Variants in CPPED1 observed in about 807,000 individuals in gnomAD.
The protein encoded by CPPED1 is calcineurin like phosphoesterase domain containing 1.
A neutral mutation model predicts 28.0 loss-of-function variants in CPPED1; 28 were observed. That is an observed-to-expected ratio of 1.00 (90% CI 0.74 to 1.37). CPPED1 has a LOEUF of 1.37. Among genes scored for constraint, CPPED1 ranks in the 40% most tolerant of loss-of-function variants. The pLI is 0.00. For synonymous variants in CPPED1, 198 were observed against 180.2 expected (o/e 1.10, Z -0.79); for missense variants, 504 against 416.5 (o/e 1.21, Z -1.83).
At chr16:12,780,148 G>T (rs1228178922) in intron 2 of CPPED1, among the ~76,000 whole-genome samples, 5 of 151,726 alleles carry the variant, frequency 3.3e-5, no homozygotes, top group Non-Finnish European at 1.5e-5. Flanking sequence ...TGAGCCAGAG[G>T]GGTATGAGCC....
chr16:12,694,960 T>C (rs904284874), intron 3 of CPPED1, among the ~76,000 whole-genome samples: 2 of 152,088 alleles, frequency 1.3e-5, no homozygotes, highest in African/African-American at 4.8e-5. Context: ...ATATTTTTAG[T>C]AGAGACAGGG....
intron 3 of CPPED1, among the ~76,000 whole-genome samples, chr16:12,681,542 T>C (rs2141172352): frequency 6.6e-6 from 1 of 152,286 alleles, no homozygotes; most frequent in Admixed American, 6.5e-5. Context: ...CCTCACCTGA[T>C]TAACGATTCA....
intron 2 of CPPED1, among the ~76,000 whole-genome samples, chr16:12,710,472 G>C (rs1322097575): frequency 6.6e-6 from 1 of 151,516 alleles, no homozygotes; most frequent in Non-Finnish European, 1.5e-5. Flanking sequence ...AAAAAAGGAG[G>C]GGGGGAACAG....
At chr16:12,672,660 G>T (rs2079858459) in intron 3 of CPPED1, among the ~76,000 whole-genome samples, 1 of 152,332 alleles carries the variant, frequency 6.6e-6, no homozygotes, top group African/African-American at 2.4e-5. Flanking sequence ...TCCAGGTGAG[G>T]GGTGTGGGGT....
chr16:12,664,341 C>T lies in CPPED1; in HGVS notation c.*545G>A, dbSNP rs1258274695. 2 of 987,204 alleles carry T rather than the reference C, an allele frequency of 2.0e-6. No individual in the cohort carries two copies. The highest frequency in any genetic ancestry group is 3.5e-5 in the African/African-American group (2 of 57,316). 61.2% of individuals were successfully genotyped at this position (987,204 alleles called of 1,614,324 possible). A position where few individuals can be genotyped will look rare whatever the true frequency, so the allele number is the denominator to read the frequency against. On this transcript the variant is annotated 3_prime_UTR_variant, in exon 4 of 4. Coordinates refer to ENST00000381774, the MANE Select transcript of CPPED1 (RefSeq NM_018340.3). This position sits in a 1 kb window ranked among gnomAD's most constrained non-coding sequence, Gnocchi z 4.2. Reference sequence around the variant, plus strand: ...CTCAGAATTGAACAGTAAATGGTGCCTACTTGGCTCCTTGTCAAAATAAGT... The same window carrying T: ...CTCAGAATTGAACAGTAAATGGTGCTTACTTGGCTCCTTGTCAAAATAAGT...
At position 12,781,173 on chromosome 16, in the gene CPPED1, C is replaced by T; in HGVS notation, c.289+12G>A. The T allele has an allele frequency of 3.1e-6, 5 of 1,607,882 alleles. No homozygotes were observed. Among genetic ancestry groups the T allele is most frequent in the Non-Finnish European group, 4.2e-6 (5 of 1,176,828 alleles). On this transcript the variant is annotated intron_variant, in intron 2 of 3. Coordinates refer to ENST00000381774, the MANE Select transcript of CPPED1 (RefSeq NM_018340.3). The stretch of plus-strand genomic sequence containing the variant: ...AAGGAGAAAAGGTCACAAGCGATGA[C>T]CCGAGTCTTACCTGGCATGGCGTGG...
intron 3 of CPPED1, among the ~76,000 whole-genome samples, chr16:12,668,164 A>C (rs2079835399): frequency 6.6e-6 from 1 of 152,226 alleles, no homozygotes; most frequent in South Asian, 2.1e-4. Context: ...TGGAACATAA[A>C]AACTAAAAGT....
chr16:12,741,393 G>C (rs1003501258), intron 2 of CPPED1, among the ~76,000 whole-genome samples: 1 of 150,726 alleles, frequency 6.6e-6, no homozygotes, highest in Non-Finnish European at 1.5e-5. Flanking sequence ...AGAGATGTCA[G>C]AGTCATTAGC....
chr16:12,682,870 A>G lies in CPPED1; in HGVS notation c.716-17755T>C, dbSNP rs2079912941. 6.6e-6 allele frequency among the ~76,000 whole-genome samples: 1 copy of G among 152,260 alleles called. No homozygotes were observed. Among genetic ancestry groups the G allele is most frequent in the Non-Finnish European group, 1.5e-5 (1 of 68,044 alleles). On this transcript the variant is annotated intron_variant, in intron 3 of 3. Transcript: ENST00000381774. The surrounding 1 kb of genome is among the most constrained non-coding windows in gnomAD (Gnocchi z 6.1). ...TGAAATGGAGCGTGGGGCCCACATT[A>G]AGGTTTCAATCCAGAATGGACAATT...
At chr16:12,785,572 C>A (rs1457362464) in intron 1 of CPPED1, among the ~76,000 whole-genome samples, 1 of 152,020 alleles carries the variant, frequency 6.6e-6, no homozygotes, top group Non-Finnish European at 1.5e-5. Flanking sequence ...CGATTACAGG[C>A]ATGCAGCACC....
At chr16:12,669,158 T>C (rs373432386) in intron 3 of CPPED1, among the ~76,000 whole-genome samples, 38 of 152,288 alleles carry the variant, frequency 2.5e-4, no homozygotes, top group African/African-American at 8.4e-4. Flanking sequence ...CGAAAAGGAA[T>C]AAAGTGTTGA....
intron 3 of CPPED1, among the ~76,000 whole-genome samples, chr16:12,674,359 TGA>T (rs2079867484): frequency 6.6e-6 from 1 of 151,940 alleles, no homozygotes; most frequent in Non-Finnish European, 1.5e-5. Flanking sequence ...AAACGAGGAA[TGA>T]GATGTTGAGC....
At chr16:12,787,651 C>T (rs577656779) in intron 1 of CPPED1, among the ~76,000 whole-genome samples, 99 of 152,154 alleles carry the variant, frequency 6.5e-4, no homozygotes, top group African/African-American at 2.2e-3. Context: ...GTGATCTGCC[C>T]GTCTCAGCCT....
chr16:12,664,638 T>C lies in CPPED1; in HGVS notation c.*248A>G. 3 of 1,318,540 alleles carry C rather than the reference T, an allele frequency of 2.3e-6. No individual in the cohort carries two copies. Among genetic ancestry groups the C allele is most frequent in the African/African-American group, 1.5e-5 (1 of 65,488 alleles). The allele number at this position is 1,318,540 out of a possible 1,614,324, so 81.7% of individuals were successfully genotyped here. On this transcript the variant is annotated 3_prime_UTR_variant, in exon 4 of 4. Coordinates refer to ENST00000381774, the MANE Select transcript of CPPED1 (RefSeq NM_018340.3). This position sits in a 1 kb window ranked among gnomAD's most constrained non-coding sequence, Gnocchi z 4.2. ...TTAGGAGAATTTATTCAAACATCCA[T>C]GCAGAGATAGTCTAATATTTTAAAA... is the stretch of plus-strand genomic sequence containing the variant.
In CPPED1 at chr16:12,659,961, T is replaced by C. The variant is rs888584809; in HGVS notation, c.*4925A>G. 1 of 152,032 alleles carries C rather than the reference T, an allele frequency of 6.6e-6. No homozygotes were observed. The allele number at this position is 152,032 out of a possible 1,614,324, so 9.4% of individuals were successfully genotyped here. Reference sequence around the variant, plus strand: ...ATCAAACACAAAACCATCAGTGTCATGAGAACTCACTATCACAAGAATAGC... The same window carrying C: ...ATCAAACACAAAACCATCAGTGTCACGAGAACTCACTATCACAAGAATAGC... On this transcript the variant is annotated 3_prime_UTR_variant, in exon 4 of 4. Coordinates refer to ENST00000381774, the MANE Select transcript of CPPED1 (RefSeq NM_018340.3).
intron 2 of CPPED1, among the ~76,000 whole-genome samples, chr16:12,718,719 T>G: frequency 6.6e-6 from 1 of 151,986 alleles, no homozygotes; most frequent in Non-Finnish European, 1.5e-5. Flanking sequence ...TTCCAACACC[T>G]TGGGAGGCTG....
chr16:12,690,663 A>C (rs1214834630), intron 3 of CPPED1, among the ~76,000 whole-genome samples: 1 of 68,678 alleles, frequency 1.5e-5, no homozygotes, highest in Admixed American at 1.1e-4. Context: ...AGTTTCTACC[A>C]AAAAAAAAAA....
intron 2 of CPPED1, among the ~76,000 whole-genome samples, chr16:12,749,015 T>G (rs1405335827): frequency 6.6e-6 from 1 of 152,064 alleles, no homozygotes. Context: ...TTTTTGCTAG[T>G]AGAGGGCCTT....
chr16:12,702,366 G>A (rs536143350), intron 3 of CPPED1, among the ~76,000 whole-genome samples: 306 of 152,086 alleles, frequency 2.0e-3, no homozygotes, highest in Non-Finnish European at 3.5e-3. Context: ...GTCAGACCCC[G>A]TTTCTACAAA....
Sources: allele counts gnomAD v4.1 joint callset (sites outside exome capture counted in the v4.1 genomes callset), GRCh38; gene constraint gnomAD v4.1.1; non-coding constraint Gnocchi (gnomAD v3.1); transcripts MANE v1.5; gene names NCBI Gene and HGNC (gene_info 2026-07-23, HGNC 2026-07-21).